Variants in NAA60 observed in about 807,000 individuals in gnomAD.
The protein encoded by NAA60 is N-alpha-acetyltransferase 60, NatF catalytic subunit.
In NAA60, 8 loss-of-function variants were observed where a neutral mutation model predicts 26.1. That is an observed-to-expected ratio of 0.31 (90% CI 0.18 to 0.55). The LOEUF (loss-of-function observed/expected upper bound fraction) is 0.55, where lower values mean the gene tolerates loss of function less well. Among genes scored for constraint, NAA60 ranks in the 20% least tolerant of loss-of-function variants. NAA60 has a pLI of 0.93. For missense variants in NAA60, 290 were observed against 311.3 expected (o/e 0.93, Z 0.51); for synonymous variants, 131 against 122.5 (o/e 1.07, Z -0.46).
In NAA60 at chr16:3,479,140, C is replaced by T. The variant is rs370646995; in HGVS notation, c.111-331C>T. 2.1e-4 allele frequency among the ~76,000 whole-genome samples: 32 copies of T among 152,060 alleles called. No individual in the cohort carries two copies. In the East Asian group the frequency reaches 4.1e-3, roughly 19 times the overall value. ...CTGTAATCCCAGCTACTCGGGAGAC[C>T]GAAGCAGGAGAATCGATTGAACCCA... On this transcript the variant is annotated intron_variant, in intron 3 of 7. Transcript: ENST00000407558.
At chr16:3,483,284 T>C in intron 5 of NAA60, 79 bp from the exon 6 acceptor site, 1 of 1,060,918 alleles carries the variant, frequency 9.4e-7, no homozygotes, top group South Asian at 1.4e-5. Context: ...GAGAGACTCA[T>C]GCAAAGCCCC....
At chr16:3,466,232 A>T (rs1015237526) in intron 2 of NAA60, among the ~76,000 whole-genome samples, 1 of 152,218 alleles carries the variant, frequency 6.6e-6, no homozygotes, top group Non-Finnish European at 1.5e-5. Context: ...CCTTGAAGAG[A>T]TATGCATCGA....
chr16:3,447,573 G>C, intron 1 of NAA60: 5 of 985,388 alleles, frequency 5.1e-6, no homozygotes, highest in Non-Finnish European at 6.0e-6. Flanking sequence ...AGTTGATACT[G>C]ATCGGAAACT....
At chr16:3,467,763 T>G (rs563321052) in intron 2 of NAA60, 1 of 152,302 alleles carries the variant, frequency 6.6e-6, no homozygotes, top group South Asian at 2.1e-4. Context: ...CTTCCTCCAG[T>G]TTGGCATCAT....
chr16:3,459,000 A>C, intron 2 of NAA60, among the ~76,000 whole-genome samples: 2 of 152,178 alleles, frequency 1.3e-5, no homozygotes, highest in Non-Finnish European at 2.9e-5. Context: ...CTCTGCAGTA[A>C]ACGTGGACAT....
chr16:3,463,194 C>G (rs74325244), intron 2 of NAA60, among the ~76,000 whole-genome samples: 3 of 152,208 alleles, frequency 2.0e-5, no homozygotes, highest in South Asian at 4.1e-4. Context: ...TGAAAACACA[C>G]TATTAAATAC....
At position 3,479,549 on chromosome 16, in the gene NAA60, T is replaced by C. The variant is rs199586208; in HGVS notation, c.189T>C (p.Ile63=). Residue 63 remains isoleucine, a synonymous_variant, in exon 4 of 8, where the codon ATT becomes ATC. Transcript: ENST00000407558. ...TTGCTGCAACCTACAGAGGTGCCATTGTGGGAATGATAGTAGCTGAAATTA... is the reference window on the plus strand; with the variant it reads ...TTGCTGCAACCTACAGAGGTGCCATCGTGGGAATGATAGTAGCTGAAATTA... ...FSLAATYRGA[I]VGMIVAEIKN... is the part of the protein sequence containing the mutation. The C allele has an allele frequency of 3.7e-6, 6 of 1,613,940 alleles. No individual in the cohort carries two copies. Among genetic ancestry groups the C allele is most frequent in the Non-Finnish European group, 5.1e-6 (6 of 1,179,900 alleles).
intron 1 of NAA60, among the ~76,000 whole-genome samples, chr16:3,447,278 T>G (rs2034593688): frequency 6.6e-6 from 1 of 152,224 alleles, no homozygotes; most frequent in African/African-American, 2.4e-5. Context: ...TTGAAGACTA[T>G]GCGTTAAAAT....
At chr16:3,451,891 C>G (rs2034800104) in intron 2 of NAA60, among the ~76,000 whole-genome samples, 1 of 150,980 alleles carries the variant, frequency 6.6e-6, no homozygotes, top group Non-Finnish European at 1.5e-5. Context: ...GCATTCCAGC[C>G]TGGGGGACAG....
chr16:3,449,852 C>T (rs1259856449), intron 2 of NAA60: 20 of 372,350 alleles, frequency 5.4e-5, no homozygotes, highest in Non-Finnish European at 8.1e-5. Context: ...GGGAGTTTCC[C>T]TGCACAAGCC....
At chr16:3,481,409 G>T (rs566290576) in intron 4 of NAA60, among the ~76,000 whole-genome samples, 1 of 152,104 alleles carries the variant, frequency 6.6e-6, no homozygotes, top group Non-Finnish European at 1.5e-5. Context: ...AATGGGACAC[G>T]TGGTCCCCCC....
rs2285816 is a variant in NAA60 at position 3,486,439 on chromosome 16, C to T, written c.*1179C>T. 0.05 allele frequency: 7,594 copies of T among 152,140 alleles called. 304 individuals carry two copies. The highest frequency in any genetic ancestry group is 0.17 in the East Asian group (858 of 5,102). The allele number at this position is 152,140 out of a possible 1,614,324, so 9.4% of individuals were successfully genotyped here. A position where few individuals can be genotyped will look rare whatever the true frequency, so the allele number is the denominator to read the frequency against. On this transcript the variant is annotated 3_prime_UTR_variant, in exon 8 of 8. Coordinates refer to ENST00000407558, the MANE Select transcript of NAA60 (RefSeq NM_001083601.3). ...AGAGGGAGGAACAACCCTGGGCAGACGGGGCCTCAGGGACCTGTGTCCTTC... is the reference window on the plus strand; with the variant it reads ...AGAGGGAGGAACAACCCTGGGCAGATGGGGCCTCAGGGACCTGTGTCCTTC...
chr16:3,461,099 G>T (rs142524875), intron 2 of NAA60, among the ~76,000 whole-genome samples: 1 of 152,110 alleles, frequency 6.6e-6, no homozygotes, highest in South Asian at 2.1e-4. Context: ...TCTGATAGGA[G>T]GCTGGCAGGA....
Position 3,485,623 on chromosome 16 carries a change from T to G in NAA60, c.*363T>G. The G allele has an allele frequency of 2.2e-6, 1 of 456,628 alleles. No homozygotes were observed. The highest frequency in any genetic ancestry group is 4.4e-6 in the Non-Finnish European group (1 of 226,918). The allele number at this position is 456,628 out of a possible 1,614,324, so 28.3% of individuals were successfully genotyped here. On this transcript the variant is annotated 3_prime_UTR_variant, in exon 8 of 8. Coordinates refer to ENST00000407558, the MANE Select transcript of NAA60 (RefSeq NM_001083601.3). ...CCTCTCCCACTCCGCTGCCTGTTCTTGCAGCTCCTTCCTGGAAAGCTGGAG... is the reference window on the plus strand; with the variant it reads ...CCTCTCCCACTCCGCTGCCTGTTCTGGCAGCTCCTTCCTGGAAAGCTGGAG...
rs1255759440 is a variant in NAA60, at chr16:3,483,394, C to T, written c.369C>T (p.His123=). ...GSLLLESLKD[H]ISTTAQDHCK... ...TCTTACTTGAAAGTTTAAAGGATCA[C>T]ATATCAACCACCGCCCAGGACCACT... The change falls in exon 6 of 8, where the codon CAC becomes CAT. Residue 123 remains histidine, a synonymous_variant. Transcript: ENST00000407558. 1.2e-6 allele frequency: 2 copies of T among 1,613,230 alleles called. No homozygotes were observed. The highest frequency in any genetic ancestry group is 1.7e-5 in the Admixed American group (1 of 59,846).
At chr16:3,479,808 G>A (rs554595267) in intron 4 of NAA60, among the ~76,000 whole-genome samples, 24 of 152,196 alleles carry the variant, frequency 1.6e-4, no homozygotes, top group African/African-American at 5.3e-4. Context: ...GCCTCCAGTC[G>A]TGCCCAGCAG....
chr16:3,477,570 G>GCAGGCC (rs2036558724), intron 3 of NAA60, among the ~76,000 whole-genome samples: 2 of 150,940 alleles, frequency 1.3e-5, no homozygotes, highest in Admixed American at 6.9e-5. Context: ...GGAGGCCAAG[G>GCAGGCC]TGGGTGGATC....
chr16:3,463,393 A>AAC (rs888290938), intron 2 of NAA60, among the ~76,000 whole-genome samples: 1 of 151,372 alleles, frequency 6.6e-6, no homozygotes, highest in African/African-American at 2.4e-5. Flanking sequence ...ACAAAAAAAA[A>AAC]ACAAAAATTA....
chr16:3,470,979 G>A (rs191081280), intron 2 of NAA60, among the ~76,000 whole-genome samples: 1,809 of 56,240 alleles, frequency 0.032, 20 homozygotes, highest in Non-Finnish European at 0.035. Flanking sequence ...TTTTTAAATC[G>A]AGTGTAAAGA....
Sources: gnomAD v4.1 joint callset for allele counts (sites outside exome capture counted in the v4.1 genomes callset) on GRCh38, gnomAD v4.1.1 for gene constraint, MANE v1.5 for transcripts, NCBI Gene and HGNC (gene_info 2026-07-23, HGNC 2026-07-21) for gene names.